The following FUT9 variants were observed in gnomAD, a reference collection of about 807,000 sequenced individuals.
The protein encoded by FUT9 is fucosyltransferase 9, also known as 4-galactosyl-N-acetylglucosaminide 3-alpha-L-fucosyltransferase 9.
A neutral mutation model predicts 29.7 loss-of-function variants in FUT9; 15 were observed. The observed-to-expected ratio is 0.51, with a 90% confidence interval of 0.34 to 0.78. FUT9 has a LOEUF of 0.78. FUT9 is among the 30% of genes least tolerant of loss of function. FUT9 has a pLI of 0.01. For synonymous variants in FUT9, 169 were observed against 153.7 expected (o/e 1.10, Z -0.74); for missense variants, 319 against 425.4 (o/e 0.75, Z 2.20).
intron 1 of FUT9, among the ~76,000 whole-genome samples, chr6:96,071,317 A>G (rs927200273): frequency 2.0e-5 from 3 of 152,204 alleles, no homozygotes; most frequent in African/African-American, 7.2e-5. Flanking sequence ...AATTTACCTC[A>G]GATAGGATTT....
chr6:96,156,496 G>A (rs1016384653), intron 2 of FUT9, among the ~76,000 whole-genome samples: 2 of 152,102 alleles, frequency 1.3e-5, no homozygotes, highest in Non-Finnish European at 2.9e-5. Flanking sequence ...TTCCTTCGCA[G>A]TACAAGGGCT....
intron 1 of FUT9, among the ~76,000 whole-genome samples, chr6:96,030,550 T>C (rs976836025): frequency 6.6e-6 from 1 of 151,518 alleles, no homozygotes; most frequent in Admixed American, 6.6e-5. Context: ...AGTACTGCAA[T>C]TTTGGAAACT....
At chr6:96,167,904 G>A (rs1773043300) in intron 2 of FUT9, among the ~76,000 whole-genome samples, 1 of 152,226 alleles carries the variant, frequency 6.6e-6, no homozygotes, top group East Asian at 1.9e-4. Flanking sequence ...GGAACTGGGG[G>A]AAAAGAGAAT....
intron 1 of FUT9, among the ~76,000 whole-genome samples, chr6:96,049,221 T>C (rs1278057823): frequency 6.6e-6 from 1 of 152,142 alleles, no homozygotes; most frequent in Non-Finnish European, 1.5e-5. Context: ...CCTTCCAAGG[T>C]TGTAGCCTTC....
intron 2 of FUT9, among the ~76,000 whole-genome samples, chr6:96,128,634 C>A (rs12201773): frequency 1.3e-4 from 20 of 151,846 alleles, no homozygotes; most frequent in South Asian, 2.1e-4. Flanking sequence ...GTAATTTATT[C>A]ATCAAAAACA....
chr6:96,113,330 C>T (rs984387132), intron 1 of FUT9, among the ~76,000 whole-genome samples: 1 of 151,546 alleles, frequency 6.6e-6, no homozygotes, highest in Admixed American at 6.6e-5. Context: ...CTTCCATTTC[C>T]GAGGTTCAAG....
intron 2 of FUT9, among the ~76,000 whole-genome samples, chr6:96,155,498 C>T (rs991789671): frequency 1.3e-5 from 2 of 151,590 alleles, no homozygotes; most frequent in African/African-American, 4.8e-5. Context: ...ATGGTGAAAC[C>T]CCGTCTCTAC....
In FUT9 at chr6:96,205,049, T is replaced by A. The variant is rs1355790732; in HGVS notation, c.*814T>A. 6.0e-6 allele frequency: 1 copy of A among 166,356 alleles called. No individual in the cohort carries two copies. The highest frequency in any genetic ancestry group is 1.5e-5 in the Non-Finnish European group (1 of 68,074). 10.3% of individuals were successfully genotyped at this position (166,356 alleles called of 1,614,324 possible). A position where few individuals can be genotyped will look rare whatever the true frequency, so the allele number is the denominator to read the frequency against. ...TAATAAAACAAATAATTTCCTCAAA[T>A]AACAAAGAAAAATGATACCTATAAA... is the stretch of plus-strand genomic sequence containing the variant. On this transcript the variant is annotated 3_prime_UTR_variant, in exon 3 of 3. Coordinates refer to ENST00000302103, the MANE Select transcript of FUT9 (RefSeq NM_006581.4).
intron 2 of FUT9, among the ~76,000 whole-genome samples, chr6:96,168,979 G>A (rs1318026891): frequency 1.3e-5 from 2 of 152,178 alleles, no homozygotes; most frequent in Admixed American, 1.3e-4. Flanking sequence ...TACAGATGCT[G>A]CTAGGTCTGA....
At chr6:96,062,007 T>G (rs770598876) in intron 1 of FUT9, among the ~76,000 whole-genome samples, 1 of 152,122 alleles carries the variant, frequency 6.6e-6, no homozygotes, top group African/African-American at 2.4e-5. Flanking sequence ...TCCCATGGAT[T>G]GGCTTAATTA....
chr6:96,147,238 T>A (rs988623674), intron 2 of FUT9, among the ~76,000 whole-genome samples: 1 of 147,116 alleles, frequency 6.8e-6, no homozygotes, highest in Non-Finnish European at 1.5e-5. Context: ...TTCGGCTCAC[T>A]GCAACCTCCA....
chr6:96,054,999 A>G (rs375692836), intron 1 of FUT9, among the ~76,000 whole-genome samples: 24 of 152,148 alleles, frequency 1.6e-4, no homozygotes, highest in Non-Finnish European at 3.4e-4. Flanking sequence ...CATTATATCA[A>G]TAATTATGCC....
chr6:96,055,887 A>T (rs1245058624), intron 1 of FUT9, among the ~76,000 whole-genome samples: 2 of 151,878 alleles, frequency 1.3e-5, no homozygotes, highest in African/African-American at 4.8e-5. Context: ...TCTATTACAT[A>T]AAGTTTAGTG....
chr6:96,105,525 T>C (rs1035560983), intron 1 of FUT9, among the ~76,000 whole-genome samples: 1 of 152,216 alleles, frequency 6.6e-6, no homozygotes, highest in Non-Finnish European at 1.5e-5. Context: ...GTCTTCTTTG[T>C]TGATTACAAA....
chr6:96,152,972 C>T (rs12191957), intron 2 of FUT9, among the ~76,000 whole-genome samples: 24,114 of 152,088 alleles, frequency 0.16, 2,124 homozygotes, highest in African/African-American at 0.19. Context: ...GGGAACCTTC[C>T]AGGAAAACTA....
chr6:96,130,160 G>A (rs561224982), intron 2 of FUT9, among the ~76,000 whole-genome samples: 10 of 151,846 alleles, frequency 6.6e-5, no homozygotes, highest in Admixed American at 5.2e-4. Flanking sequence ...CTTTTTACTT[G>A]ACAAGTAAAA....
rs942895623 is a variant in FUT9, at chr6:96,207,836, T to A, written c.*3601T>A. On this transcript the variant is annotated 3_prime_UTR_variant, in exon 3 of 3. Coordinates refer to ENST00000302103, the MANE Select transcript of FUT9 (RefSeq NM_006581.4). ...ATCAGTAAGAATAAATAAATGTTAATCATTATAGACCTTACTAATAAGAAT... is the reference window on the plus strand; with the variant it reads ...ATCAGTAAGAATAAATAAATGTTAAACATTATAGACCTTACTAATAAGAAT... 1 of 166,920 alleles carries A rather than the reference T, an allele frequency of 6.0e-6. No homozygotes were observed. Among genetic ancestry groups the A allele is most frequent in the Non-Finnish European group, 1.5e-5 (1 of 68,038 alleles). 10.3% of individuals were successfully genotyped at this position (166,920 alleles called of 1,614,324 possible). A position where few individuals can be genotyped will look rare whatever the true frequency, so the allele number is the denominator to read the frequency against.
At chr6:96,078,429 TTTTTTTTTTG>T (rs1562118000) in intron 1 of FUT9, among the ~76,000 whole-genome samples, 3 of 114,422 alleles carry the variant, frequency 2.6e-5, no homozygotes, top group East Asian at 5.3e-4. Flanking sequence ...TTTTTTTTTT[TTTTTTTTTTG>T]AGACGGAGCC....
intron 1 of FUT9, among the ~76,000 whole-genome samples, chr6:96,101,709 A>G (rs895845097): frequency 6.6e-6 from 1 of 151,684 alleles, no homozygotes; most frequent in Non-Finnish European, 1.5e-5. Context: ...GCTGGAGTGC[A>G]GTGGTGCAAT....
Sources: allele counts gnomAD v4.1 joint callset (sites outside exome capture counted in the v4.1 genomes callset), GRCh38; gene constraint gnomAD v4.1.1; transcripts MANE v1.5; gene names NCBI Gene and HGNC (gene_info 2026-07-23, HGNC 2026-07-21).